Variants in LRCH3 observed in about 807,000 individuals in gnomAD.
LRCH3 encodes leucine rich repeats and calponin homology domain containing 3, also known as DISP complex protein LRCH3.
LRCH3 carries 68 observed loss-of-function variants against 104.5 expected under a neutral mutation model. The observed-to-expected ratio is 0.65, with a 90% CI of 0.54 to 0.80. The LOEUF is 0.80. LRCH3 is among the 30% of genes least tolerant of loss of function. The pLI is 0.00. For missense variants in LRCH3, 951 were observed against 953.9 expected (o/e 1.00, Z 0.04); for synonymous variants, 344 against 361.3 (o/e 0.95, Z 0.54).
rs1164458981 is a variant in LRCH3, at chr3:197,854,227, A to T, written c.1591-165A>T. On this transcript the variant is annotated intron_variant, in intron 13 of 20. Coordinates refer to ENST00000425562, the MANE Select transcript of LRCH3 (RefSeq NM_001365715.1). This position sits in a 1 kb window ranked among gnomAD's most constrained non-coding sequence, Gnocchi z 4.5. ...AGTACTCAGAACCAACTTACTGACT[A>T]TTATAATGCATGAATTCCAGATGAT... Among the ~76,000 whole-genome samples, 1 of 152,202 alleles carries T rather than the reference A, an allele frequency of 6.6e-6. No homozygotes were observed. The highest frequency in any genetic ancestry group is 2.4e-5 in the African/African-American group (1 of 41,446).
chr3:197,843,283 A>T (rs549487951), intron 10 of LRCH3, among the ~76,000 whole-genome samples: 21 of 152,268 alleles, frequency 1.4e-4, no homozygotes, highest in Non-Finnish European at 2.4e-4. Flanking sequence ...AGCTACTCAC[A>T]TTAATTATGT....
rs1173139531 is a variant in LRCH3 at position 197,884,549 on chromosome 3, AG to A, written c.*886del. On this transcript the variant is annotated 3_prime_UTR_variant, in exon 21 of 21. Transcript: ENST00000425562. ...CGTGAGCCACTGTGCCCGGCCTCTGAGGGTGCTGGGATTACAGGCGTGAGCC... is the reference window on the plus strand; with the variant it reads ...CGTGAGCCACTGTGCCCGGCCTCTGAGGTGCTGGGATTACAGGCGTGAGCC... 3.3e-5 allele frequency: 5 copies of A among 151,950 alleles called. No individual in the cohort carries two copies. Among genetic ancestry groups the A allele is most frequent in the African/African-American group, 4.9e-5 (2 of 41,042 alleles). 9.4% of individuals were successfully genotyped at this position (151,950 alleles called of 1,614,324 possible). A position where few individuals can be genotyped will look rare whatever the true frequency, so the allele number is the denominator to read the frequency against.
chr3:197,870,031 G>C lies in LRCH3; in HGVS notation c.1874-129G>C, dbSNP rs545575479. 115 of 863,594 alleles carry C rather than the reference G, an allele frequency of 1.3e-4. 1 individual carries two copies. Among genetic ancestry groups the C allele is most frequent in the Middle Eastern group, 4.9e-4 (2 of 4,094 alleles). 53.5% of individuals were successfully genotyped at this position (863,594 alleles called of 1,614,324 possible). On this transcript the variant is annotated intron_variant, in intron 17 of 20. Transcript: ENST00000425562. ...ACTGTACCTGCAGGAGGTAGAAAGCGATGCACTGTACCTGCAGGAGGTAGA... is the reference window on the plus strand; with the variant it reads ...ACTGTACCTGCAGGAGGTAGAAAGCCATGCACTGTACCTGCAGGAGGTAGA...
At position 197,858,817 on chromosome 3, in the gene LRCH3, T is replaced by C. The variant is rs948807497; in HGVS notation, c.1645-17T>C. 4 of 1,608,428 alleles carry C rather than the reference T, an allele frequency of 2.5e-6. No individual in the cohort carries two copies. Among genetic ancestry groups the C allele is most frequent in the Non-Finnish European group, 3.4e-6 (4 of 1,174,786 alleles). ...AATGCTGCCTTCTGTTTCTTCTCTT[T>C]CTCATTTGAAATGTAGTCGCTGTCA... On this transcript the variant is annotated splice_polypyrimidine_tract_variant and intron_variant, in intron 14 of 20. Transcript: ENST00000425562.
At chr3:197,881,955 A>G (rs1713810684) in intron 20 of LRCH3, 1 of 985,314 alleles carries the variant, frequency 1.0e-6, no homozygotes, top group African/African-American at 1.7e-5. Flanking sequence ...GAAACACTCA[A>G]CACTGTGATG....
intron 7 of LRCH3, chr3:197,831,091 T>TTTCA (rs1461119691): frequency 3.7e-5 from 15 of 405,502 alleles, no homozygotes; most frequent in Middle Eastern, 7.2e-4. Context: ...ATGGAAATAG[T>TTTCA]TTCATATCAT....
rs78226691 is a variant in LRCH3 at position 197,879,798 on chromosome 3, C to A, written c.2209-3743C>A. On this transcript the variant is annotated intron_variant, in intron 20 of 20. Coordinates refer to ENST00000425562, the MANE Select transcript of LRCH3 (RefSeq NM_001365715.1). ...TCTCCAAAAACGTCCGTCTCCTCAG[C>A]CTCTGCAGTTTTCGTCCTTGCTTTC... Among the ~76,000 whole-genome samples the A allele has an allele frequency of 9.8e-3, 1,486 of 151,788 alleles. 34 individuals carry two copies. Among genetic ancestry groups the A allele is most frequent in the African/African-American group, 0.034 (1,420 of 41,360 alleles).
chr3:197,872,290 G>A (rs780667393), intron 19 of LRCH3, among the ~76,000 whole-genome samples: 1 of 150,654 alleles, frequency 6.6e-6, no homozygotes, highest in Non-Finnish European at 1.5e-5. Flanking sequence ...CCAGGAGTTC[G>A]AGGCTGCAGT....
chr3:197,850,770 C>T (rs1439441794), intron 12 of LRCH3: 11 of 1,264,872 alleles, frequency 8.7e-6, no homozygotes, highest in Admixed American at 3.4e-5. Flanking sequence ...ATCATTGTAA[C>T]GTCGGAATGG....
At chr3:197,826,764 A>C in intron 4 of LRCH3, 114 bp from the exon 5 acceptor site, 1 of 1,325,792 alleles carries the variant, frequency 7.5e-7, no homozygotes, top group Non-Finnish European at 1.1e-6. Context: ...TTAATCACTA[A>C]AAGAGAATGG....
chr3:197,837,066 C>G (rs1270762922), intron 9 of LRCH3, among the ~76,000 whole-genome samples: 1 of 152,038 alleles, frequency 6.6e-6, no homozygotes, highest in African/African-American at 2.4e-5. Flanking sequence ...GGTAAAGAGA[C>G]ATACTTGTAT....
At chr3:197,793,734 C>T (rs1001392891) in intron 1 of LRCH3, among the ~76,000 whole-genome samples, 1 of 152,046 alleles carries the variant, frequency 6.6e-6, no homozygotes, top group African/African-American at 2.4e-5. Flanking sequence ...TGTATAGAAA[C>T]CACATTTTTT....
At chr3:197,817,330 ATGTG>A in intron 3 of LRCH3, 28 bp downstream of exon 3, 4 of 1,278,100 alleles carry the variant, frequency 3.1e-6, no homozygotes, top group Non-Finnish European at 4.2e-6. Context: ...ATTGTCCAAC[ATGTG>A]TGTGTGTGTG....
chr3:197,872,844 G>GA (rs1398799116), intron 19 of LRCH3, among the ~76,000 whole-genome samples: 1 of 152,080 alleles, frequency 6.6e-6, no homozygotes, highest in Admixed American at 6.6e-5. Context: ...AAGACAGAGC[G>GA]AGACTCTGTC....
At chr3:197,881,473 T>A in intron 20 of LRCH3, 1 of 985,506 alleles carries the variant, frequency 1.0e-6, no homozygotes, top group Non-Finnish European at 1.2e-6. Flanking sequence ...GTGTTTGTTA[T>A]GTGTGACTGA....
chr3:197,883,262 G>C lies in LRCH3; in HGVS notation c.2209-279G>C, dbSNP rs952826698. ...GATGTTGCTTTCACCCTGCGGTATTGTTTTCCCTCTGTTGTATGTATAGAT... is the reference window on the plus strand; with the variant it reads ...GATGTTGCTTTCACCCTGCGGTATTCTTTTCCCTCTGTTGTATGTATAGAT... On this transcript the variant is annotated intron_variant, in intron 20 of 20. Coordinates refer to ENST00000425562, the MANE Select transcript of LRCH3 (RefSeq NM_001365715.1). The surrounding 1 kb of genome is among the most constrained non-coding windows in gnomAD (Gnocchi z 4.2). 1 of 1,124,354 alleles carries C rather than the reference G, an allele frequency of 8.9e-7. No homozygotes were observed. The highest frequency in any genetic ancestry group is 1.6e-5 in the African/African-American group (1 of 61,124). 69.6% of individuals were successfully genotyped at this position (1,124,354 alleles called of 1,614,324 possible).
At chr3:197,792,395 G>A (rs1365496474) in intron 1 of LRCH3, among the ~76,000 whole-genome samples, 2 of 149,706 alleles carry the variant, frequency 1.3e-5, no homozygotes, top group East Asian at 3.9e-4. Flanking sequence ...AAGAAAGTAG[G>A]TATTATTTGG....
chr3:197,869,700 CGATG>C, intron 17 of LRCH3, among the ~76,000 whole-genome samples: 5 of 128,984 alleles, frequency 3.9e-5, no homozygotes, highest in African/African-American at 1.5e-4. Flanking sequence ...AGGTAGAAAG[CGATG>C]CACTGTACCT....
chr3:197,810,360 C>G lies in LRCH3; in HGVS notation c.263-4548C>G, dbSNP rs1432458929. ...TAGAAATGGGGTTTCACCATGTTGG[C>G]CAGGCTGGTCTCGAACTGCTGACCT... On this transcript the variant is annotated intron_variant, in intron 1 of 20. Coordinates refer to ENST00000425562, the MANE Select transcript of LRCH3 (RefSeq NM_001365715.1). The surrounding 1 kb of genome is among the most constrained non-coding windows in gnomAD (Gnocchi z 4.0). Among the ~76,000 whole-genome samples, 8 of 152,194 alleles carry G rather than the reference C, an allele frequency of 5.3e-5. No individual in the cohort carries two copies. Among genetic ancestry groups the G allele is most frequent in the Non-Finnish European group, 1.0e-4 (7 of 68,008 alleles).
Sources: allele counts gnomAD v4.1 joint callset (sites outside exome capture counted in the v4.1 genomes callset), GRCh38; gene constraint gnomAD v4.1.1; non-coding constraint Gnocchi (gnomAD v3.1); transcripts MANE v1.5; gene names NCBI Gene and HGNC (gene_info 2026-07-23, HGNC 2026-07-21).